CLSTN2: variants seen among roughly 807,000 people sequenced by gnomAD.
CLSTN2 encodes calsyntenin-2.
In CLSTN2, 48 loss-of-function variants were observed where a neutral mutation model predicts 101.2. The ratio of observed to expected loss-of-function variants is 0.47; its 90% CI spans 0.38 to 0.60. The LOEUF (loss-of-function observed/expected upper bound fraction) is 0.60, where lower values mean the gene tolerates loss of function less well. Ranked by LOEUF, CLSTN2 falls within the 20% of genes least tolerant of loss-of-function variation. The pLI, the probability that CLSTN2 is intolerant of heterozygous loss-of-function variation, is 0.00. For synonymous variants in CLSTN2, 481 were observed against 463.6 expected (o/e 1.04, Z -0.48); for missense variants, 1,160 against 1,238.2 (o/e 0.94, Z 0.95).
chr3:139,935,654 A>G lies in CLSTN2; in HGVS notation c.109+171A>G, dbSNP rs1935006139. 6.6e-6 allele frequency among the ~76,000 whole-genome samples: 1 copy of G among 152,138 alleles called. No individual in the cohort carries two copies. The highest frequency in any genetic ancestry group is 1.5e-5 in the Non-Finnish European group (1 of 68,018). ...AAGTCAGTTCCCTGCGCAGCGGACC[A>G]GAGAGGTCCACCCGCGGACGTCAAC... On this transcript the variant is annotated intron_variant, in intron 1 of 16. Coordinates refer to ENST00000458420, the MANE Select transcript of CLSTN2 (RefSeq NM_022131.3). This position sits in a 1 kb window ranked among gnomAD's most constrained non-coding sequence, Gnocchi z 5.5.
At chr3:140,527,971 G>A (rs1935178703) in intron 8 of CLSTN2, among the ~76,000 whole-genome samples, 1 of 152,136 alleles carries the variant, frequency 6.6e-6, no homozygotes, top group Non-Finnish European at 1.5e-5. Context: ...TGAGTATTAT[G>A]CTTGGGTAGT....
At chr3:140,343,182 C>A (rs1352612988) in intron 2 of CLSTN2, among the ~76,000 whole-genome samples, 2 of 152,192 alleles carry the variant, frequency 1.3e-5, no homozygotes, top group Non-Finnish European at 2.9e-5. Flanking sequence ...AGGCTCACTG[C>A]TCTCCTTTCA....
At chr3:140,189,578 T>C (rs968984852) in intron 2 of CLSTN2, among the ~76,000 whole-genome samples, 1 of 152,242 alleles carries the variant, frequency 6.6e-6, no homozygotes, top group African/African-American at 2.4e-5. Flanking sequence ...CATTTTATAA[T>C]TGCATTAGGA....
intron 2 of CLSTN2, among the ~76,000 whole-genome samples, chr3:140,354,909 T>G (rs974557900): frequency 6.6e-6 from 1 of 152,190 alleles, no homozygotes; most frequent in African/African-American, 2.4e-5. Context: ...GCACCTACTA[T>G]TCTCCTGCTA....
At chr3:140,353,542 A>G (rs1016626068) in intron 2 of CLSTN2, among the ~76,000 whole-genome samples, 18 of 152,120 alleles carry the variant, frequency 1.2e-4, no homozygotes, top group African/African-American at 4.3e-4. Flanking sequence ...CCACTGACTC[A>G]AACGTTAATC....
chr3:140,388,423 C>G (rs1245148360), intron 2 of CLSTN2, among the ~76,000 whole-genome samples: 1 of 152,224 alleles, frequency 6.6e-6, no homozygotes, highest in East Asian at 1.9e-4. Flanking sequence ...GCTTTGTCCC[C>G]AGTGGACAAA....
chr3:140,422,210 TCTCTC>T (rs2088514820), intron 5 of CLSTN2, among the ~76,000 whole-genome samples: 1 of 152,030 alleles, frequency 6.6e-6, no homozygotes, highest in Non-Finnish European at 1.5e-5. Context: ...TCTCTCTCTC[TCTCTC>T]TCTCTGCTAT....
At chr3:140,071,157 T>C (rs748353887) in intron 1 of CLSTN2, among the ~76,000 whole-genome samples, 4 of 152,154 alleles carry the variant, frequency 2.6e-5, no homozygotes, top group Non-Finnish European at 5.9e-5. Flanking sequence ...ATCTAGTATA[T>C]GTTAACTTGA....
At chr3:140,239,587 T>G (rs11705920) in intron 2 of CLSTN2, among the ~76,000 whole-genome samples, 147,611 of 152,288 alleles carry the variant, frequency 0.97, 71,688 homozygotes, top group East Asian at 1. Context: ...GTAATCATTT[T>G]CAATTCAGAA....
At chr3:140,517,196 T>C (rs73231248) in intron 8 of CLSTN2, among the ~76,000 whole-genome samples, 21,419 of 152,234 alleles carry the variant, frequency 0.14, 1,612 homozygotes, top group African/African-American at 0.16. Context: ...TTTTCACTTA[T>C]GCTATCTATT....
intron 1 of CLSTN2, among the ~76,000 whole-genome samples, chr3:140,070,092 T>A (rs2008365733): frequency 6.6e-6 from 1 of 152,222 alleles, no homozygotes; most frequent in South Asian, 2.1e-4. Context: ...TGGCTCTCAC[T>A]GTCTTTGGTC....
chr3:140,302,487 A>G (rs1192347446), intron 2 of CLSTN2, among the ~76,000 whole-genome samples: 1 of 152,154 alleles, frequency 6.6e-6, no homozygotes, highest in Non-Finnish European at 1.5e-5. Context: ...CTACATGGTG[A>G]GCTTTGTAAT....
chr3:140,031,942 T>C (rs2007559792), intron 1 of CLSTN2, among the ~76,000 whole-genome samples: 4 of 152,164 alleles, frequency 2.6e-5, no homozygotes, highest in Admixed American at 2.6e-4. Flanking sequence ...AACCCTTCCG[T>C]AAAATGAAGA....
chr3:140,384,089 A>G (rs923294493), intron 2 of CLSTN2, among the ~76,000 whole-genome samples: 4 of 152,188 alleles, frequency 2.6e-5, no homozygotes, highest in South Asian at 2.1e-4. Flanking sequence ...TCACGTTTAC[A>G]TTGGCTTTTT....
rs558448772 is a variant in CLSTN2 at position 140,328,854 on chromosome 3, C to A, written c.233-74775C>A. ...TGGAAAGGCTTTAAACAGTACCTGG[C>A]ATGCAGTATGCATTCAGTAAACTTC... On this transcript the variant is annotated intron_variant, in intron 2 of 16. Coordinates refer to ENST00000458420, the MANE Select transcript of CLSTN2 (RefSeq NM_022131.3). 3.3e-5 allele frequency among the ~76,000 whole-genome samples: 5 copies of A among 152,334 alleles called. No homozygotes were observed. In the South Asian group the frequency reaches 1.0e-3, roughly 32 times the overall value.
intron 16 of CLSTN2, 56 bp downstream of exon 16, chr3:140,564,201 C>A: frequency 6.5e-7 from 1 of 1,535,278 alleles, no homozygotes; most frequent in African/African-American, 1.4e-5. Context: ...CTCTACCCAG[C>A]TCAACCCTTC....
intron 2 of CLSTN2, among the ~76,000 whole-genome samples, chr3:140,223,391 C>T (rs2086292199): frequency 6.6e-6 from 1 of 152,214 alleles, no homozygotes; most frequent in East Asian, 1.9e-4. Context: ...CAGCCACCTC[C>T]CAGCACCTGG....
At chr3:140,486,439 A>AAAAGGATG (rs1343628393) in intron 8 of CLSTN2, among the ~76,000 whole-genome samples, 1 of 152,216 alleles carries the variant, frequency 6.6e-6, no homozygotes, top group Non-Finnish European at 1.5e-5. Context: ...CAACAACAAA[A>AAAAGGATG]AAAGGATGGA....
At chr3:140,105,298 G>A (rs1314156725) in intron 1 of CLSTN2, among the ~76,000 whole-genome samples, 2 of 152,176 alleles carry the variant, frequency 1.3e-5, no homozygotes, top group Non-Finnish European at 2.9e-5. Flanking sequence ...GAACATCAAG[G>A]CCTTCAGCAA....
Sources: gnomAD v4.1 joint callset for allele counts (sites outside exome capture counted in the v4.1 genomes callset) on GRCh38, gnomAD v4.1.1 for gene constraint, Gnocchi (gnomAD v3.1) non-coding constraint, MANE v1.5 for transcripts, NCBI Gene and HGNC (gene_info 2026-07-23, HGNC 2026-07-21) for gene names.